The following SSUH2 variants were observed in gnomAD, a reference collection of about 807,000 sequenced individuals.
The protein encoded by SSUH2 is protein SSUH2 homolog.
A neutral mutation model predicts 55.3 loss-of-function variants in SSUH2; 47 were observed. That is an observed-to-expected ratio of 0.85 (90% CI 0.67 to 1.08). The LOEUF is 1.08. Ranked by LOEUF, SSUH2 falls within the 50% of genes least tolerant of loss-of-function variation. The probability of loss-of-function intolerance (pLI) is 0.00; values close to 1 mark genes in which losing one functional copy is unlikely to be tolerated. For missense variants in SSUH2, 535 were observed against 490.7 expected, an observed-to-expected ratio of 1.09 and a Z score of -0.85; for synonymous variants, 212 against 191.5, an observed-to-expected ratio of 1.11 and a Z score of -0.89.
rs1575417382 is a variant in SSUH2 at position 8,680,441 on chromosome 3, C to T, written c.-1045-592G>A. 3.9e-5 allele frequency among the ~76,000 whole-genome samples: 6 copies of T among 152,164 alleles called. No individual in the cohort carries two copies. The East Asian group carries it at 1.2e-3, about 29-fold the overall frequency. On this transcript the variant is annotated intron_variant, in intron 1 of 18. Coordinates refer to the SSUH2 transcript ENST00000317371. ...CAGATGGGTGTACACCCTCGGTGTA[C>T]AGAGGGTATACACCTGTCTGTACTG... is the stretch of plus-strand genomic sequence containing the variant.
At chr3:8,681,076 CAT>C (rs1168866495) in intron 1 of SSUH2, among the ~76,000 whole-genome samples, 1 of 101,108 alleles carries the variant, frequency 9.9e-6, no homozygotes, top group Non-Finnish European at 2.4e-5. Flanking sequence ...TTAGGACTTC[CAT>C]AGCAGGGGGG....
At chr3:8,649,830 G>C (rs1702182747) in intron 7 of SSUH2, among the ~76,000 whole-genome samples, 1 of 152,066 alleles carries the variant, frequency 6.6e-6, no homozygotes, top group South Asian at 2.1e-4. Context: ...CTCTACACCT[G>C]TAAGTCAGGA....
At chr3:8,676,474 T>A (rs200020256) in intron 3 of SSUH2, among the ~76,000 whole-genome samples, 22 of 150,926 alleles carry the variant, frequency 1.5e-4, no homozygotes, top group East Asian at 6.2e-4. Context: ...GCCATACATG[T>A]AGTCATATCA....
At position 8,680,967 on chromosome 3, in the gene SSUH2, C is replaced by G. The variant is rs549821058; in HGVS notation, c.-1046+924G>C. Reference sequence around the variant, plus strand: ...TGCTGGAATTATTATCATCCTCTCCCCCTCTTCCCTCCCTGGCTCTTAGGA... The same window carrying G: ...TGCTGGAATTATTATCATCCTCTCCGCCTCTTCCCTCCCTGGCTCTTAGGA... On this transcript the variant is annotated intron_variant, in intron 1 of 18. Transcript: ENST00000317371. 1.6e-3 allele frequency among the ~76,000 whole-genome samples: 236 copies of G among 151,666 alleles called. 5 individuals are homozygous for G. Among genetic ancestry groups the G allele is most frequent in the Non-Finnish European group, 2.8e-3 (187 of 67,596 alleles).
In SSUH2 at chr3:8,675,035, C is replaced by T. The variant is rs189613577; in HGVS notation, c.-753+2171G>A. ...GTTCCTTGTCAGTCGCCATGGAACA[C>T]TCCCCTCCTGCTTGTTCCCAAGCCA... is the stretch of plus-strand genomic sequence containing the variant. On this transcript the variant is annotated intron_variant, in intron 3 of 18. Transcript: ENST00000317371. Among the ~76,000 whole-genome samples the T allele has an allele frequency of 7.2e-5, 11 of 152,298 alleles. No homozygotes were observed. In the East Asian group the frequency reaches 2.1e-3, roughly 29 times the overall value.
At chr3:8,658,429 G>A (rs936409712) in intron 7 of SSUH2, among the ~76,000 whole-genome samples, 30 of 152,242 alleles carry the variant, frequency 2.0e-4, no homozygotes, top group African/African-American at 6.5e-4. Context: ...TCCCCAAGGG[G>A]CAGGACTGTT....
intron 11 of SSUH2, 75 bp downstream of exon 11, chr3:8,623,474 G>GA (rs1559279630): frequency 1.1e-6 from 1 of 926,826 alleles, no homozygotes; most frequent in Non-Finnish European, 1.7e-6. Flanking sequence ...CTTCCGCTCC[G>GA]ACGTTCTCAG....
intron 7 of SSUH2, among the ~76,000 whole-genome samples, chr3:8,653,746 T>C (rs945651878): frequency 1.3e-5 from 2 of 152,234 alleles, no homozygotes; most frequent in African/African-American, 4.8e-5. Context: ...ACAAATCCTT[T>C]AAAAAGCACA....
At chr3:8,641,590 G>A (rs1700855729) in intron 1 of SSUH2, among the ~76,000 whole-genome samples, 1 of 152,152 alleles carries the variant, frequency 6.6e-6, no homozygotes, top group African/African-American at 2.4e-5. Flanking sequence ...CCTATTAGGG[G>A]CTACCGGAAC....
intron 10 of SSUH2, among the ~76,000 whole-genome samples, chr3:8,623,891 G>C (rs903117): frequency 6.6e-6 from 1 of 152,170 alleles, no homozygotes; most frequent in Non-Finnish European, 1.5e-5. Context: ...CCTGTGTGCC[G>C]GGCACCGCGC....
At chr3:8,625,968 G>T (rs1697446282) in intron 9 of SSUH2, among the ~76,000 whole-genome samples, 1 of 152,192 alleles carries the variant, frequency 6.6e-6, no homozygotes, top group African/African-American at 2.4e-5. Flanking sequence ...TATTCCTACG[G>T]GAAGGGCTCA....
At chr3:8,644,639 CCAA>C in intron 1 of SSUH2, 89 bp downstream of exon 1, 1 of 1,146,390 alleles carries the variant, frequency 8.7e-7, no homozygotes, top group Non-Finnish European at 1.3e-6. Flanking sequence ...TACATAACTT[CCAA>C]CATATTAGAG....
At position 8,676,508 on chromosome 3, in the gene SSUH2, T is replaced by G. The variant is rs1048842140; in HGVS notation, c.-753+698A>C. ...CACCCCCTCTGCCTTGGAATATTATTAAGGACCATCTCACACGGGGGTGAA... is the reference window on the plus strand; with the variant it reads ...CACCCCCTCTGCCTTGGAATATTATGAAGGACCATCTCACACGGGGGTGAA... On this transcript the variant is annotated intron_variant, in intron 3 of 18. Coordinates refer to the SSUH2 transcript ENST00000317371. 1.2e-4 allele frequency among the ~76,000 whole-genome samples: 18 copies of G among 150,942 alleles called. 1 individual carries two copies. Among genetic ancestry groups the G allele is most frequent in the African/African-American group, 3.4e-4 (14 of 41,086 alleles).
chr3:8,671,432 T>C (rs1011573021), intron 4 of SSUH2, among the ~76,000 whole-genome samples: 8 of 152,006 alleles, frequency 5.3e-5, no homozygotes, highest in African/African-American at 9.7e-5. Context: ...TTTGACAAGG[T>C]GTACAAACCC....
intron 1 of SSUH2, 121 bp downstream of exon 1, chr3:8,644,610 T>G (rs1384719195): frequency 2.3e-6 from 2 of 888,756 alleles, no homozygotes; most frequent in East Asian, 5.3e-5. Context: ...CTACAGAGCT[T>G]ATTAGAAAAG....
chr3:8,640,806 T>A (rs556813437), intron 1 of SSUH2, among the ~76,000 whole-genome samples: 5 of 152,352 alleles, frequency 3.3e-5, no homozygotes, highest in Admixed American at 2.0e-4. Context: ...GGAGAAGATT[T>A]GCTTTAAGTT....
chr3:8,646,610 A>T (rs1205457078), upstream of SSUH2, among the ~76,000 whole-genome samples: 1 of 152,242 alleles, frequency 6.6e-6, no homozygotes, highest in Non-Finnish European at 1.5e-5. Flanking sequence ...TAAACAAACC[A>T]ACAGCTAGAC....
intron 3 of SSUH2, 121 bp downstream of exon 3, chr3:8,635,179 T>C: frequency 1.4e-6 from 1 of 718,754 alleles, no homozygotes; most frequent in Non-Finnish European, 2.2e-6. Flanking sequence ...TCTGGTGCAG[T>C]AGGTCTGGGG....
chr3:8,636,475 G>A (rs1442089508), intron 1 of SSUH2, among the ~76,000 whole-genome samples: 1 of 152,158 alleles, frequency 6.6e-6, no homozygotes, highest in Non-Finnish European at 1.5e-5. Flanking sequence ...TGGAGCAGAA[G>A]AATCTCCTGC....
Sources: allele counts gnomAD v4.1 joint callset (sites outside exome capture counted in the v4.1 genomes callset), GRCh38; gene constraint gnomAD v4.1.1; transcripts MANE v1.5; gene names NCBI Gene and HGNC (gene_info 2026-07-23, HGNC 2026-07-21).